KTN1: variants seen among roughly 807,000 people sequenced by gnomAD.
The protein encoded by KTN1 is kinectin 1.
A neutral mutation model predicts 222.5 loss-of-function variants in KTN1; 130 were observed. The ratio of observed to expected loss-of-function variants is 0.58; its 90% CI spans 0.51 to 0.68. The LOEUF is 0.68. Among genes scored for constraint, KTN1 ranks in the 30% least tolerant of loss-of-function variants. The pLI is 0.00. For synonymous variants in KTN1, 512 were observed against 496.3 expected, an observed-to-expected ratio of 1.03 and a Z score of -0.42; for missense variants, 1,508 against 1,500.4, an observed-to-expected ratio of 1.01 and a Z score of -0.08.
chr14:55,655,762 T>C lies in KTN1; in HGVS notation c.2802-280T>C, dbSNP rs550807416. On this transcript the variant is annotated intron_variant, in intron 28 of 43. Transcript: ENST00000395314. ...GCAAAACTCCTTGCTTTTGAAGTGG[T>C]AATTTTTGCAACAATTTGATAAAAT... 2.4e-4 allele frequency among the ~76,000 whole-genome samples: 36 copies of C among 152,358 alleles called. 1 individual carries two copies. In the South Asian group the frequency reaches 7.5e-3, roughly 32 times the overall value.
intron 1 of KTN1, among the ~76,000 whole-genome samples, chr14:55,592,476 C>CG (rs1432909533): frequency 6.6e-6 from 1 of 152,148 alleles, no homozygotes; most frequent in African/African-American, 2.4e-5. Flanking sequence ...TTGAACTGCA[C>CG]GGGTCCACTT....
At chr14:55,656,202 ACTGCTGCC>A in intron 29 of KTN1, 70 bp downstream of exon 29, 3 of 1,038,388 alleles carry the variant, frequency 2.9e-6, no homozygotes, top group Admixed American at 4.3e-5. Context: ...ATAATTTTTA[ACTGCTGCC>A]AAAAAATAGA....
rs544474932 is a variant in KTN1, at chr14:55,632,615, C to T, written c.1222-620C>T. 3.3e-5 allele frequency among the ~76,000 whole-genome samples: 5 copies of T among 152,080 alleles called. No homozygotes were observed. In the South Asian group the frequency reaches 1.0e-3, roughly 32 times the overall value. On this transcript the variant is annotated intron_variant, in intron 7 of 43. Coordinates refer to ENST00000395314, the MANE Select transcript of KTN1 (RefSeq NM_001079521.2). ...GAGTTATGGAGAGATGAATGGTGGT[C>T]ATGATTACACAGCATTATGGATATA...
At position 55,637,862 on chromosome 14, in the gene KTN1, T is replaced by G. The variant is rs751996747; in HGVS notation, c.1785+15T>G. On this transcript the variant is annotated intron_variant, in intron 12 of 43. Transcript: ENST00000395314. The stretch of plus-strand genomic sequence containing the variant: ...TAGCAGCCCAGGTAATGATGCTTTC[T>G]TATTGCTTATGATTAATAACTTGCA... 5.0e-6 allele frequency: 8 copies of G among 1,597,142 alleles called. No homozygotes were observed. The East Asian group carries it at 1.8e-4, about 36-fold the overall frequency.
chr14:55,597,945 C>T (rs1290273590), intron 1 of KTN1, among the ~76,000 whole-genome samples: 1 of 152,062 alleles, frequency 6.6e-6, no homozygotes, highest in Non-Finnish European at 1.5e-5. Context: ...AAAATTCAGG[C>T]TTTCACCATT....
chr14:55,637,640 TA>T, intron 11 of KTN1, 138 bp from the exon 12 acceptor site: 2 of 641,444 alleles, frequency 3.1e-6, no homozygotes, highest in Non-Finnish European at 5.4e-6. Context: ...TTGTTTAAAA[TA>T]ATGCCTTTTG....
chr14:55,647,933 GTC>G (rs1414518087), intron 19 of KTN1, 90 bp from the exon 20 acceptor site: 1 of 309,968 alleles, frequency 3.2e-6, no homozygotes, highest in African/African-American at 2.3e-5. Context: ...GACAGAGCGA[GTC>G]TCTGTCTCAA....
At chr14:55,605,125 C>T (rs1218953159) in intron 1 of KTN1, among the ~76,000 whole-genome samples, 2 of 152,208 alleles carry the variant, frequency 1.3e-5, no homozygotes, top group African/African-American at 4.8e-5. Context: ...TGTCCTCACT[C>T]ACTTTCAGAT....
chr14:55,591,581 C>CTTTTTTTTTTT (rs71131297), intron 1 of KTN1, among the ~76,000 whole-genome samples: 3 of 87,680 alleles, frequency 3.4e-5, no homozygotes, highest in African/African-American at 4.4e-5. Flanking sequence ...TTCTCTCTTT[C>CTTTTTTTTTTT]TTTTTTTTTT....
chr14:55,603,957 C>T (rs2036358575), intron 1 of KTN1, among the ~76,000 whole-genome samples: 1 of 152,134 alleles, frequency 6.6e-6, no homozygotes, highest in Non-Finnish European at 1.5e-5. Context: ...TATAAAGTAT[C>T]AAAAATTTGA....
At chr14:55,657,053 A>G (rs1488025147) in intron 29 of KTN1, among the ~76,000 whole-genome samples, 1 of 151,706 alleles carries the variant, frequency 6.6e-6, no homozygotes, top group African/African-American at 2.4e-5. Flanking sequence ...AGATGCCTAC[A>G]TTGTCTTGGA....
At chr14:55,627,614 C>T (rs895563455) in intron 5 of KTN1, among the ~76,000 whole-genome samples, 1 of 152,212 alleles carries the variant, frequency 6.6e-6, no homozygotes, top group Admixed American at 6.5e-5. Context: ...TATTCCCCCA[C>T]GCCCCGACAG....
intron 21 of KTN1, 133 bp from the exon 22 acceptor site, chr14:55,649,643 C>G: frequency 1.7e-6 from 1 of 596,006 alleles, no homozygotes; most frequent in Non-Finnish European, 2.9e-6. Context: ...TTAAAAAAGT[C>G]TCGAAAGAAT....
intron 18 of KTN1, among the ~76,000 whole-genome samples, chr14:55,642,487 T>C (rs112613113): frequency 1.2e-4 from 19 of 152,210 alleles, no homozygotes; most frequent in Non-Finnish European, 2.9e-5. Context: ...ACTCTTCTTC[T>C]ACGCAGCTCT....
chr14:55,586,619 C>T (rs915368498), intron 1 of KTN1, among the ~76,000 whole-genome samples: 7 of 152,192 alleles, frequency 4.6e-5, no homozygotes, highest in East Asian at 1.9e-4. Flanking sequence ...GAAAACAAAA[C>T]GCTGTCCATG....
intron 41 of KTN1, 105 bp downstream of exon 41, chr14:55,676,023 A>T (rs2045865110): frequency 2.9e-6 from 2 of 691,280 alleles, no homozygotes; most frequent in Non-Finnish European, 4.9e-6. Flanking sequence ...TTTGCATCAT[A>T]ATATTAACCT....
At position 55,656,097 on chromosome 14, in the gene KTN1, G is replaced by C; in HGVS notation, c.2857G>C (p.Glu953Gln). 6.2e-7 allele frequency: 1 copy of C among 1,610,524 alleles called. No individual in the cohort carries two copies. Among genetic ancestry groups the C allele is most frequent in the Non-Finnish European group, 8.5e-7 (1 of 1,177,188 alleles). ...KRLEAMLKER[E>Q]SDLSSKTQLL... ...GTTAGAAGCCATGCTAAAAGAGAGG[G>C]AGAGTGATCTTTCTAGCAAAACACA... The change falls in exon 29 of 44, where the codon GAG (glutamate) becomes CAG (glutamine). Residue 953 changes from glutamate (E) to glutamine (Q), a missense_variant. Coordinates refer to ENST00000395314, the MANE Select transcript of KTN1 (RefSeq NM_001079521.2).
chr14:55,679,353 A>G (rs887910638), intron 42 of KTN1: 5 of 431,212 alleles, frequency 1.2e-5, no homozygotes, highest in African/African-American at 6.2e-5. Context: ...GACAACATTT[A>G]TAACATAGTT....
intron 21 of KTN1, among the ~76,000 whole-genome samples, chr14:55,649,394 G>C (rs1359162459): frequency 6.6e-6 from 1 of 152,164 alleles, no homozygotes; most frequent in Non-Finnish European, 1.5e-5. Flanking sequence ...ACTCCAGATA[G>C]GGTGCCATTG....
Sources: allele counts gnomAD v4.1 joint callset (sites outside exome capture counted in the v4.1 genomes callset), GRCh38; gene constraint gnomAD v4.1.1; transcripts MANE v1.5; gene names NCBI Gene and HGNC (gene_info 2026-07-23, HGNC 2026-07-21).